The following RBFOX1 variants were observed in gnomAD, a reference collection of about 807,000 sequenced individuals.
The protein encoded by RBFOX1 is RNA binding fox-1 homolog 1.
A neutral mutation model predicts 57.7 loss-of-function variants in RBFOX1; 8 were observed. That is an observed-to-expected ratio of 0.14 (90% CI 0.08 to 0.25). The LOEUF (loss-of-function observed/expected upper bound fraction) is 0.25, where lower values mean the gene tolerates loss of function less well. Among genes scored for constraint, RBFOX1 ranks in the 10% least tolerant of loss-of-function variants. RBFOX1 has a pLI of 1.00. For missense variants in RBFOX1, 611 were observed against 548.5 expected, an observed-to-expected ratio of 1.11 and a Z score of -1.14; for synonymous variants, 326 against 222.4, an observed-to-expected ratio of 1.47 and a Z score of -4.15.
intron 2 of RBFOX1, among the ~76,000 whole-genome samples, chr16:6,331,307 C>T (rs959366521): frequency 3.9e-5 from 6 of 151,990 alleles, no homozygotes; most frequent in African/African-American, 1.2e-4. Flanking sequence ...ATTAGCTAGG[C>T]ATGCTGGTGC....
chr16:5,462,398 G>A (rs1057357241), intron 1 of RBFOX1, among the ~76,000 whole-genome samples: 1 of 152,098 alleles, frequency 6.6e-6, no homozygotes, highest in Non-Finnish European at 1.5e-5. Flanking sequence ...TTGATCTCCT[G>A]ACCTCGTGAT....
intron 3 of RBFOX1, among the ~76,000 whole-genome samples, chr16:6,765,237 C>T (rs1337420351): frequency 1.3e-5 from 2 of 152,124 alleles, no homozygotes; most frequent in Non-Finnish European, 2.9e-5. Context: ...GAGGCCAGAA[C>T]ACACAGGCTC....
chr16:5,578,004 T>G (rs1311962502), intron 2 of RBFOX1, among the ~76,000 whole-genome samples: 4 of 152,176 alleles, frequency 2.6e-5, no homozygotes, highest in Non-Finnish European at 5.9e-5. Flanking sequence ...CAGGCTGGGG[T>G]ACAGTGGTGT....
intron 15 of RBFOX1, chr16:7,709,356 G>A: frequency 9.6e-7 from 1 of 1,046,610 alleles, no homozygotes; most frequent in Non-Finnish European, 1.3e-6. Context: ...AATTTTGCAA[G>A]TCTCACCTAG....
At chr16:6,532,776 C>T (rs899290152) in intron 2 of RBFOX1, among the ~76,000 whole-genome samples, 4 of 152,164 alleles carry the variant, frequency 2.6e-5, no homozygotes, top group African/African-American at 9.7e-5. Context: ...TTACCGTCCC[C>T]ACTCCTGTGT....
intron 3 of RBFOX1, among the ~76,000 whole-genome samples, chr16:5,765,829 A>G (rs546848062): frequency 6.6e-6 from 1 of 152,314 alleles, no homozygotes; most frequent in South Asian, 2.1e-4. Context: ...CCAGACACTA[A>G]TGGCAAGAAC....
intron 2 of RBFOX1, among the ~76,000 whole-genome samples, chr16:6,366,467 AG>A (rs886671575): frequency 6.6e-6 from 1 of 152,180 alleles, no homozygotes; most frequent in Admixed American, 6.5e-5. Context: ...TGAACAACCC[AG>A]AATAAGCCAA....
At position 5,761,242 on chromosome 16, in the gene RBFOX1, C is replaced by G. The variant is rs1021009887; in HGVS notation, c.319-106061C>G. Among the ~76,000 whole-genome samples, 3 of 152,132 alleles carry G rather than the reference C, an allele frequency of 2.0e-5. No homozygotes were observed. The South Asian group carries it at 6.2e-4, about 32-fold the overall frequency. ...CACATCTTGTATATTAAGGTGACTT[C>G]TGAAGAGTAATATAGAAGCAGAAAG... is the stretch of plus-strand genomic sequence containing the variant. On this transcript the variant is annotated intron_variant, in intron 3 of 19. Coordinates refer to the RBFOX1 transcript ENST00000641259.
chr16:7,408,328 T>C (rs7196063), intron 4 of RBFOX1, among the ~76,000 whole-genome samples: 14,261 of 152,234 alleles, frequency 0.094, 938 homozygotes, highest in African/African-American at 0.19. Flanking sequence ...AGAAGAACTT[T>C]TAATACGGCG....
Position 6,097,049 on chromosome 16 carries a change from T to C in RBFOX1, c.-127+77057T>C, listed in dbSNP as rs1430902845. ...GACTTCGTGGGAGATAACTGAATCA[T>C]GGGGGTGGTTTCCCCCATACTGTTG... On this transcript the variant is annotated intron_variant, in intron 1 of 15. Coordinates refer to ENST00000550418, the MANE Select transcript of RBFOX1 (RefSeq NM_018723.4). This position sits in a 1 kb window ranked among gnomAD's most constrained non-coding sequence, Gnocchi z 5.0. Among the ~76,000 whole-genome samples, 2 of 152,154 alleles carry C rather than the reference T, an allele frequency of 1.3e-5. No individual in the cohort carries two copies. Among genetic ancestry groups the C allele is most frequent in the Non-Finnish European group, 2.9e-5 (2 of 68,036 alleles).
intron 4 of RBFOX1, among the ~76,000 whole-genome samples, chr16:7,062,935 G>A (rs1715267541): frequency 1.3e-5 from 1 of 74,994 alleles, no homozygotes; most frequent in Admixed American, 1.7e-4. Context: ...TTTTGCTGAA[G>A]TTAGTCAGAC....
At chr16:7,038,827 G>C (rs1013592128) in intron 3 of RBFOX1, among the ~76,000 whole-genome samples, 1 of 152,164 alleles carries the variant, frequency 6.6e-6, no homozygotes, top group Non-Finnish European at 1.5e-5. Flanking sequence ...TTTACCAAGA[G>C]GGTGCATGGC....
intron 3 of RBFOX1, among the ~76,000 whole-genome samples, chr16:5,857,870 C>T (rs926109730): frequency 6.6e-6 from 1 of 152,074 alleles, no homozygotes; most frequent in Non-Finnish European, 1.5e-5. Flanking sequence ...TCCCTTGAGC[C>T]TGGGAGGCAG....
intron 3 of RBFOX1, among the ~76,000 whole-genome samples, chr16:7,035,045 A>C (rs2043977028): frequency 6.6e-6 from 1 of 150,914 alleles, no homozygotes; most frequent in South Asian, 2.1e-4. Context: ...ACAGGGTTTT[A>C]CATTGTTGGC....
chr16:7,133,663 A>C (rs1458701853), intron 4 of RBFOX1, among the ~76,000 whole-genome samples: 1 of 152,218 alleles, frequency 6.6e-6, no homozygotes, highest in Non-Finnish European at 1.5e-5. Context: ...ATTGGTAGAA[A>C]GCAAAAGCAA....
rs554107748 is a variant in RBFOX1 at position 5,439,689 on chromosome 16, C to T, written c.220-27527C>T. 1.5e-3 allele frequency among the ~76,000 whole-genome samples: 230 copies of T among 152,186 alleles called. 2 individuals are homozygous for T. Among genetic ancestry groups the T allele is most frequent in the Admixed American group, 2.9e-3 (44 of 15,274 alleles). On this transcript the variant is annotated intron_variant, in intron 1 of 2. Coordinates refer to the RBFOX1 transcript ENST00000585867. ...CTCACTCCTGGCCTCAAGTGATTCA[C>T]CCGCCTTGACCTCCCAAAGTGCTGG...
chr16:6,962,530 G>C (rs568084146), intron 3 of RBFOX1, among the ~76,000 whole-genome samples: 1 of 151,884 alleles, frequency 6.6e-6, no homozygotes, highest in East Asian at 1.9e-4. Context: ...CAGAAGCTCA[G>C]AGGTCAAAAG....
chr16:6,283,010 A>G (rs1376979989), intron 1 of RBFOX1, among the ~76,000 whole-genome samples: 2 of 152,152 alleles, frequency 1.3e-5, no homozygotes, highest in African/African-American at 2.4e-5. Flanking sequence ...CTGAGTCTAG[A>G]TGTGCTCCTA....
intron 4 of RBFOX1, among the ~76,000 whole-genome samples, chr16:7,256,978 A>T (rs563980486): frequency 2.0e-5 from 3 of 152,136 alleles, no homozygotes; most frequent in African/African-American, 7.2e-5. Context: ...CATGGCTGGC[A>T]TTCTCTGTTA....
Sources: allele counts gnomAD v4.1 joint callset (sites outside exome capture counted in the v4.1 genomes callset), GRCh38; gene constraint gnomAD v4.1.1; non-coding constraint Gnocchi (gnomAD v3.1); transcripts MANE v1.5; gene names NCBI Gene and HGNC (gene_info 2026-07-23, HGNC 2026-07-21).